DYNC1I1: variants seen among roughly 807,000 people sequenced by gnomAD.
DYNC1I1 encodes cytoplasmic dynein 1 intermediate chain 1.
In DYNC1I1, 43 loss-of-function variants were observed where a neutral mutation model predicts 86.6. That is an observed-to-expected ratio of 0.50 (90% confidence interval 0.39 to 0.64). DYNC1I1 has a LOEUF of 0.64. Among genes scored for constraint, DYNC1I1 ranks in the 30% least tolerant of loss-of-function variants. The probability of loss-of-function intolerance (pLI) is 0.00; values close to 1 mark genes in which losing one functional copy is unlikely to be tolerated. For missense variants in DYNC1I1, 604 were observed against 788.8 expected (o/e 0.77, Z 2.81); for synonymous variants, 262 against 283.7 (o/e 0.92, Z 0.77).
intron 14 of DYNC1I1, among the ~76,000 whole-genome samples, chr7:96,049,116 G>C (rs111631197): frequency 8.6e-5 from 13 of 151,904 alleles, no homozygotes; most frequent in African/African-American, 3.1e-4. Flanking sequence ...AAATTAGCTG[G>C]GCATGGTGGC....
intron 16 of DYNC1I1, among the ~76,000 whole-genome samples, chr7:96,109,560 T>C (rs564068648): frequency 9.0e-4 from 137 of 152,300 alleles, no homozygotes; most frequent in African/African-American, 3.1e-3. Flanking sequence ...GTAACTTCAT[T>C]GCATATATTT....
intron 6 of DYNC1I1, among the ~76,000 whole-genome samples, chr7:95,897,478 C>G (rs1007122614): frequency 2.0e-5 from 3 of 151,032 alleles, no homozygotes; most frequent in African/African-American, 7.3e-5. Context: ...TCCTGTGGAT[C>G]TAGATTAAAA....
intron 14 of DYNC1I1, among the ~76,000 whole-genome samples, chr7:96,059,268 C>T (rs913896224): frequency 4.0e-5 from 6 of 151,444 alleles, no homozygotes; most frequent in Non-Finnish European, 7.4e-5. Flanking sequence ...GAACACTAGA[C>T]AGCACTTCAG....
chr7:95,802,947 A>G (rs1181738559), intron 1 of DYNC1I1, among the ~76,000 whole-genome samples: 2 of 152,156 alleles, frequency 1.3e-5, no homozygotes, highest in Non-Finnish European at 2.9e-5. Flanking sequence ...TTCAATACCC[A>G]GTCCCAATTT....
chr7:95,900,747 T>C (rs1211778579), intron 6 of DYNC1I1, among the ~76,000 whole-genome samples: 1 of 152,164 alleles, frequency 6.6e-6, no homozygotes, highest in Non-Finnish European at 1.5e-5. Flanking sequence ...CATCCTCTCT[T>C]TCTCAAAAAA....
rs569535379 is a variant in DYNC1I1, at chr7:95,894,281, C to A, written c.490+24283C>A. Among the ~76,000 whole-genome samples the A allele has an allele frequency of 3.3e-5, 5 of 152,030 alleles. No individual in the cohort carries two copies. The East Asian group carries it at 5.8e-4, about 18-fold the overall frequency. ...GATCAAGATTCCAGGAGACTTGGCA[C>A]CTGGTGAAGCCTGGCTTTCTGGTTT... On this transcript the variant is annotated intron_variant, in intron 6 of 16. Coordinates refer to ENST00000447467, the MANE Select transcript of DYNC1I1 (RefSeq NM_001135556.2).
chr7:95,811,478 T>C (rs560883783), intron 3 of DYNC1I1, among the ~76,000 whole-genome samples: 167 of 152,074 alleles, frequency 1.1e-3, no homozygotes, highest in African/African-American at 3.9e-3. Context: ...AATTATCCCA[T>C]GTAGAACAAA....
At chr7:95,854,899 A>G (rs1157343082) in intron 5 of DYNC1I1, among the ~76,000 whole-genome samples, 3 of 152,170 alleles carry the variant, frequency 2.0e-5, no homozygotes, top group East Asian at 3.9e-4. Context: ...ATTGAGCACA[A>G]TATAAACAGT....
intron 16 of DYNC1I1, among the ~76,000 whole-genome samples, chr7:96,084,437 C>CTTTTTTTTTT (rs1562999521): frequency 8.4e-6 from 1 of 118,990 alleles, no homozygotes; most frequent in Non-Finnish European, 1.8e-5. Context: ...CTTTTTTTTT[C>CTTTTTTTTTT]TTTTCTTTTT....
At chr7:95,931,314 T>C (rs1287086491) in intron 6 of DYNC1I1, among the ~76,000 whole-genome samples, 1 of 152,140 alleles carries the variant, frequency 6.6e-6, no homozygotes, top group African/African-American at 2.4e-5. Context: ...CACACCCAGC[T>C]AACTTTTGCA....
intron 5 of DYNC1I1, among the ~76,000 whole-genome samples, chr7:95,839,751 A>G (rs1789227153): frequency 6.6e-6 from 1 of 152,132 alleles, no homozygotes; most frequent in African/African-American, 2.4e-5. Context: ...GTATGTCAGA[A>G]CTAGTGATGG....
exon 17 of DYNC1I1, chr7:96,110,038 T>G (rs954615597): frequency 2.3e-6 from 1 of 434,120 alleles, no homozygotes; most frequent in African/African-American, 2.1e-5. Context: ...TCCTCCTATG[T>G]TGGCCTCCCA....
At chr7:95,806,078 C>T (rs1435600503) in intron 2 of DYNC1I1, among the ~76,000 whole-genome samples, 1 of 152,110 alleles carries the variant, frequency 6.6e-6, no homozygotes, top group Admixed American at 6.6e-5. Context: ...CTGTTACATA[C>T]TCAGTCTTTG....
chr7:96,041,544 C>T (rs1789053609), intron 14 of DYNC1I1, among the ~76,000 whole-genome samples: 1 of 152,040 alleles, frequency 6.6e-6, no homozygotes, highest in Non-Finnish European at 1.5e-5. Flanking sequence ...ATTTGAATAG[C>T]AAAAGAATGA....
chr7:96,069,622 A>G (rs906552557), intron 14 of DYNC1I1, among the ~76,000 whole-genome samples: 1 of 152,220 alleles, frequency 6.6e-6, no homozygotes, highest in African/African-American at 2.4e-5. Flanking sequence ...AAATCATGCC[A>G]GTGTGGGAAA....
intron 6 of DYNC1I1, among the ~76,000 whole-genome samples, chr7:95,948,992 G>A (rs1291344511): frequency 6.6e-6 from 1 of 152,144 alleles, no homozygotes; most frequent in Non-Finnish European, 1.5e-5. Flanking sequence ...AGACCATAAA[G>A]TTTCCCAGGC....
chr7:96,014,808 G>C (rs1210815015), intron 10 of DYNC1I1, among the ~76,000 whole-genome samples: 1 of 152,184 alleles, frequency 6.6e-6, no homozygotes, highest in African/African-American at 2.4e-5. Context: ...GATATTCATA[G>C]ATTGGATGAA....
chr7:95,814,186 G>A (rs539892123), intron 4 of DYNC1I1, among the ~76,000 whole-genome samples: 2 of 152,156 alleles, frequency 1.3e-5, no homozygotes, highest in South Asian at 2.1e-4. Flanking sequence ...TGATATGATG[G>A]ACCCAATTTT....
chr7:95,793,987 G>A (rs934192347), intron 1 of DYNC1I1, among the ~76,000 whole-genome samples: 6 of 152,176 alleles, frequency 3.9e-5, no homozygotes, highest in African/African-American at 1.2e-4. Context: ...ACCTCTAGGC[G>A]CACAGATGCA....
Sources: gnomAD v4.1 joint callset for allele counts (sites outside exome capture counted in the v4.1 genomes callset) on GRCh38, gnomAD v4.1.1 for gene constraint, MANE v1.5 for transcripts, NCBI Gene and HGNC (gene_info 2026-07-23, HGNC 2026-07-21) for gene names.